Variants in PKP4 observed in about 807,000 individuals in gnomAD.
PKP4 encodes plakophilin 4.
In PKP4, 90 loss-of-function variants were observed where a neutral mutation model predicts 145.1. The observed-to-expected ratio is 0.62, with a 90% CI of 0.52 to 0.74. PKP4 has a LOEUF of 0.74. PKP4 is among the 30% of genes least tolerant of loss of function. The pLI is 0.00. For synonymous variants in PKP4, 563 were observed against 577.2 expected, an observed-to-expected ratio of 0.98 and a Z score of 0.35; for missense variants, 1,340 against 1,482.7, an observed-to-expected ratio of 0.90 and a Z score of 1.58.
chr2:158,627,597 A>G (rs1182009829), intron 7 of PKP4, among the ~76,000 whole-genome samples: 1 of 151,682 alleles, frequency 6.6e-6, no homozygotes, highest in Non-Finnish European at 1.5e-5. Flanking sequence ...TTTGTACTAC[A>G]TTCAGGGACT....
chr2:158,500,118 G>A (rs1263888538), intron 1 of PKP4, among the ~76,000 whole-genome samples: 1 of 152,156 alleles, frequency 6.6e-6, no homozygotes, highest in Non-Finnish European at 1.5e-5. Context: ...AATAATCAAG[G>A]CAGGTTAATC....
At chr2:158,660,143 G>C (rs1013573453) in intron 12 of PKP4, 2 of 152,800 alleles carry the variant, frequency 1.3e-5, no homozygotes, top group African/African-American at 4.8e-5. Flanking sequence ...CTGTTGATGG[G>C]GGGAAGGGAC....
chr2:158,568,421 A>T (rs1476936682), intron 2 of PKP4, among the ~76,000 whole-genome samples: 3 of 152,204 alleles, frequency 2.0e-5, no homozygotes, highest in Non-Finnish European at 4.4e-5. Context: ...TTGCTGGTTC[A>T]GGGACCACAC....
intron 2 of PKP4, among the ~76,000 whole-genome samples, chr2:158,563,824 G>T (rs901576036): frequency 6.6e-6 from 1 of 151,962 alleles, no homozygotes; most frequent in South Asian, 2.1e-4. Flanking sequence ...CGAATCTGAT[G>T]TGTTGTTTCC....
rs1392171412 is a variant in PKP4, at chr2:158,457,158, AC to A, written c.-62del. 6.7e-6 allele frequency: 1 copy of A among 149,534 alleles called. No homozygotes were observed. Among genetic ancestry groups the A allele is most frequent in the Admixed American group, 6.6e-5 (1 of 15,150 alleles). The allele number at this position is 149,534 out of a possible 1,614,324, so 9.3% of individuals were successfully genotyped here. Reference sequence around the variant, plus strand: ...AATTTTTTCGGGTGCCGCAGCGGCGACCCCTCGGCGCCGATGTCCCTGATCC... The same window carrying A: ...AATTTTTTCGGGTGCCGCAGCGGCGACCCTCGGCGCCGATGTCCCTGATCC... On this transcript the variant is annotated 5_prime_UTR_variant, in exon 1 of 22. Coordinates refer to ENST00000389759, the MANE Select transcript of PKP4 (RefSeq NM_003628.6).
intron 2 of PKP4, among the ~76,000 whole-genome samples, chr2:158,540,191 T>C (rs775659128): frequency 6.6e-6 from 1 of 152,192 alleles, no homozygotes; most frequent in Non-Finnish European, 1.5e-5. Context: ...AATAACTTAG[T>C]ATTTGTTCTC....
At position 158,542,545 on chromosome 2, in the gene PKP4, AT is replaced by A. The variant is rs568868172; in HGVS notation, c.132+9238del. Among the ~76,000 whole-genome samples the A allele has an allele frequency of 1.3e-3, 205 of 151,932 alleles. 9 individuals are homozygous for A. In the South Asian group the frequency reaches 0.041, roughly 31 times the overall value. On this transcript the variant is annotated intron_variant, in intron 2 of 21. Transcript: ENST00000389759. ...GTGGAATAATTTATCTAGTTGAATA[AT>A]TTTTTTTTAAAAGCAAACTTTTTAA... is the stretch of plus-strand genomic sequence containing the variant.
chr2:158,457,437 A>C (rs557490425), intron 1 of PKP4: 3 of 151,860 alleles, frequency 2.0e-5, no homozygotes, highest in African/African-American at 7.3e-5. Flanking sequence ...CGGCAGGCGC[A>C]CAAGTTTCAC....
chr2:158,461,496 A>AAT (rs1157025006), intron 1 of PKP4, among the ~76,000 whole-genome samples: 2 of 152,186 alleles, frequency 1.3e-5, no homozygotes, highest in Non-Finnish European at 2.9e-5. Flanking sequence ...ATTACTACCA[A>AAT]ATATATAAAT....
At chr2:158,550,140 A>AATCTATTAATCCTATTAAT (rs550269421) in intron 2 of PKP4, among the ~76,000 whole-genome samples, 1 of 151,864 alleles carries the variant, frequency 6.6e-6, no homozygotes, top group Non-Finnish European at 1.5e-5. Context: ...TTCTGCCAAG[A>AATCTATTAATCCTATTAAT]AGAAGTTAAA....
intron 2 of PKP4, among the ~76,000 whole-genome samples, chr2:158,558,373 A>G (rs891435007): frequency 8.5e-5 from 13 of 152,206 alleles, no homozygotes; most frequent in African/African-American, 2.9e-4. Flanking sequence ...GGGAAGGAAC[A>G]GGATTCTATG....
At chr2:158,615,925 C>T (rs1416639885) in intron 4 of PKP4, among the ~76,000 whole-genome samples, 3 of 152,144 alleles carry the variant, frequency 2.0e-5, no homozygotes, top group Non-Finnish European at 4.4e-5. Context: ...TAAATATGCA[C>T]AAGACCCAAG....
In PKP4 at chr2:158,547,597, T is replaced by C. The variant is rs114491547; in HGVS notation, c.132+14281T>C. ...TGAATCTAATTGGAGCTGTGGCTCGTTGTTGTGTACATTTAGTAAAACCCC... is the reference window on the plus strand; with the variant it reads ...TGAATCTAATTGGAGCTGTGGCTCGCTGTTGTGTACATTTAGTAAAACCCC... On this transcript the variant is annotated intron_variant, in intron 2 of 21. Transcript: ENST00000389759. Among the ~76,000 whole-genome samples the C allele has an allele frequency of 3.4e-3, 514 of 152,326 alleles. 3 individuals carry two copies. The highest frequency in any genetic ancestry group is 0.012 in the African/African-American group (494 of 41,568).
At chr2:158,457,790 T>G (rs922882176) in intron 1 of PKP4, 1 of 153,314 alleles carries the variant, frequency 6.5e-6, no homozygotes, top group Non-Finnish European at 1.4e-5. Context: ...TCCTTGCCGG[T>G]CCTGCCCACC....
chr2:158,640,475 G>T, intron 9 of PKP4, 152 bp from the exon 10 acceptor site: 1 of 702,872 alleles, frequency 1.4e-6, no homozygotes. Flanking sequence ...TGTTCATCAG[G>T]GGGAAAAATT....
At chr2:158,561,898 G>T (rs2105739399) in intron 2 of PKP4, among the ~76,000 whole-genome samples, 1 of 151,750 alleles carries the variant, frequency 6.6e-6, no homozygotes, top group Non-Finnish European at 1.5e-5. Context: ...ATCAACATTA[G>T]GTATTTCTCC....
chr2:158,560,940 G>C (rs144935859), intron 2 of PKP4, among the ~76,000 whole-genome samples: 277 of 152,254 alleles, frequency 1.8e-3, no homozygotes, highest in Middle Eastern at 3.4e-3. Context: ...TTGTCAAATC[G>C]TATGCCTTTA....
intron 12 of PKP4, 77 bp from the exon 13 acceptor site, chr2:158,661,256 G>T: frequency 9.3e-7 from 1 of 1,072,590 alleles, no homozygotes; most frequent in South Asian, 1.3e-5. Context: ...CGCTCTCTCA[G>T]ATCCTTAAGG....
In PKP4 at chr2:158,529,549, T is replaced by C. The variant is rs571984400; in HGVS notation, c.-5-3631T>C. Among the ~76,000 whole-genome samples the C allele has an allele frequency of 1.6e-4, 24 of 152,334 alleles. No individual in the cohort carries two copies. The South Asian group carries it at 5.0e-3, about 32-fold the overall frequency. On this transcript the variant is annotated intron_variant, in intron 1 of 21. Coordinates refer to ENST00000389759, the MANE Select transcript of PKP4 (RefSeq NM_003628.6). Reference sequence around the variant, plus strand: ...GTGCATTCCTGTTAATGTGCTGCCCTTATCTGGAAGTAGTTATGTCCCAAG... The same window carrying C: ...GTGCATTCCTGTTAATGTGCTGCCCCTATCTGGAAGTAGTTATGTCCCAAG...
Sources: allele counts gnomAD v4.1 joint callset (sites outside exome capture counted in the v4.1 genomes callset), GRCh38; gene constraint gnomAD v4.1.1; transcripts MANE v1.5; gene names NCBI Gene and HGNC (gene_info 2026-07-23, HGNC 2026-07-21).